The following BRD10 variants were observed in gnomAD, a reference collection of about 807,000 sequenced individuals.
The protein encoded by BRD10 is bromodomain containing 10.
chr9:5,949,739 T>C, the BRD10 span, among the ~76,000 whole-genome samples: 1 of 152,178 alleles, frequency 6.6e-6, no homozygotes, highest in Non-Finnish European at 1.5e-5. Context: ...CTCAACACAT[T>C]AGTTTTTAAA....
the BRD10 span, chr9:5,922,520 G>T: frequency 6.2e-7 from 1 of 1,613,976 alleles, no homozygotes; most frequent in Non-Finnish European, 8.5e-7. Context: ...GGTAGAAACA[G>T]TTCCTGGTGA....
At chr9:5,921,438 G>C in the BRD10 span, 1 of 1,613,904 alleles carries the variant, frequency 6.2e-7, no homozygotes, top group Non-Finnish European at 8.5e-7. Context: ...ACAAGAGTTG[G>C]GGTTGATGTA....
At chr9:5,984,574 G>A in the BRD10 span, among the ~76,000 whole-genome samples, 1 of 152,196 alleles carries the variant, frequency 6.6e-6, no homozygotes, top group Admixed American at 6.5e-5. Context: ...AAACATAAAA[G>A]CCATAAATAT....
the BRD10 span, among the ~76,000 whole-genome samples, chr9:6,001,001 T>A: frequency 6.6e-6 from 1 of 152,172 alleles, no homozygotes; most frequent in Non-Finnish European, 1.5e-5. Context: ...CATGCACTCT[T>A]ATAATTCTCA....
At chr9:6,001,711 T>C in the BRD10 span, among the ~76,000 whole-genome samples, 2 of 152,218 alleles carry the variant, frequency 1.3e-5, no homozygotes, top group Admixed American at 6.5e-5. Context: ...CTTCAAAACC[T>C]AGCTCAAAAA....
At chr9:5,938,267 C>T in the BRD10 span, among the ~76,000 whole-genome samples, 17 of 152,046 alleles carry the variant, frequency 1.1e-4, no homozygotes, top group African/African-American at 4.1e-4. Context: ...ACAGCAAGAC[C>T]TTATCTCTTC....
chr9:5,974,190 T>C, the BRD10 span, among the ~76,000 whole-genome samples: 1 of 152,152 alleles, frequency 6.6e-6, no homozygotes, highest in East Asian at 1.9e-4. Flanking sequence ...AGAGATCTAT[T>C]AATAGCAACA....
At chr9:5,884,269 CT>C in the BRD10 span, among the ~76,000 whole-genome samples, 1 of 152,256 alleles carries the variant, frequency 6.6e-6, no homozygotes, top group Non-Finnish European at 1.5e-5. Context: ...TACTGCAAGT[CT>C]GGTCAACCCA....
At chr9:5,998,586 G>A in the BRD10 span, among the ~76,000 whole-genome samples, 4 of 152,016 alleles carry the variant, frequency 2.6e-5, no homozygotes, top group African/African-American at 9.7e-5. Context: ...TGATGATTAA[G>A]TGCTATATAG....
chr9:5,936,141 A>G, the BRD10 span, among the ~76,000 whole-genome samples: 1 of 152,168 alleles, frequency 6.6e-6, no homozygotes, highest in Non-Finnish European at 1.5e-5. Flanking sequence ...AAATCACTTA[A>G]GCCAAAGAGT....
the BRD10 span, among the ~76,000 whole-genome samples, chr9:5,970,333 T>A: frequency 6.6e-6 from 1 of 152,144 alleles, no homozygotes; most frequent in Admixed American, 6.5e-5. Context: ...TACTTAATAG[T>A]CATAATGAAA....
chr9:5,903,507 A>T, the BRD10 span, among the ~76,000 whole-genome samples: 1 of 152,158 alleles, frequency 6.6e-6, no homozygotes, highest in Non-Finnish European at 1.5e-5. Flanking sequence ...ATATTAGGGT[A>T]ATGTTGGCCT....
chr9:5,980,630 C>A, the BRD10 span, among the ~76,000 whole-genome samples: 1 of 151,442 alleles, frequency 6.6e-6, no homozygotes, highest in African/African-American at 2.4e-5. Context: ...TTCTGTAGAC[C>A]AGGGTTGGTT....
the BRD10 span, among the ~76,000 whole-genome samples, chr9:5,879,689 G>C: frequency 2.0e-5 from 3 of 152,248 alleles, no homozygotes; most frequent in African/African-American, 7.2e-5. Context: ...AATTAAATGA[G>C]CTCAGGGATG....
At chr9:5,972,523 T>C in the BRD10 span, among the ~76,000 whole-genome samples, 5 of 150,690 alleles carry the variant, frequency 3.3e-5, no homozygotes, top group African/African-American at 1.2e-4. Flanking sequence ...CTCTCATGAA[T>C]AGCTTGGTCC....
chr9:5,951,084 C>T, the BRD10 span, among the ~76,000 whole-genome samples: 1 of 151,022 alleles, frequency 6.6e-6, no homozygotes, highest in Non-Finnish European at 1.5e-5. Context: ...ACACCCCCAC[C>T]CCACCCTGCC....
the BRD10 span, among the ~76,000 whole-genome samples, chr9:5,880,741 G>C: frequency 7.2e-6 from 1 of 139,398 alleles, no homozygotes; most frequent in African/African-American, 2.7e-5. Context: ...GTCTCGCTCT[G>C]TCGCCCAGGC....
At chr9:5,976,721 C>T in the BRD10 span, among the ~76,000 whole-genome samples, 1 of 149,550 alleles carries the variant, frequency 6.7e-6, no homozygotes, top group Admixed American at 6.6e-5. Flanking sequence ...AACTAGGAAG[C>T]GCCAAATAGT....
At chr9:5,924,684 A>C in the BRD10 span, 2 of 1,522,308 alleles carry the variant, frequency 1.3e-6, no homozygotes, top group Admixed American at 2.0e-5. Flanking sequence ...TTTCTCCAGG[A>C]TATCCAGAGG....
Sources: allele counts gnomAD v4.1 joint callset (sites outside exome capture counted in the v4.1 genomes callset), GRCh38; gene constraint gnomAD v4.1.1; transcripts MANE v1.5; gene names NCBI Gene and HGNC (gene_info 2026-07-23, HGNC 2026-07-21).